UBE3B: variants seen among roughly 807,000 people sequenced by gnomAD.
UBE3B encodes the protein ubiquitin protein ligase E3B.
A neutral mutation model predicts 132.3 loss-of-function variants in UBE3B; 80 were observed. That is an observed-to-expected ratio of 0.60 (90% confidence interval 0.50 to 0.73). The LOEUF (loss-of-function observed/expected upper bound fraction) is 0.73. UBE3B is among the 30% of genes least tolerant of loss of function. The pLI is 0.00. For missense variants in UBE3B, 1,196 were observed against 1,362.5 expected (o/e 0.88, Z 1.92); for synonymous variants, 487 against 520.4 (o/e 0.94, Z 0.87).
At chr12:109,500,322 A>G (rs1878805086) in intron 12 of UBE3B, among the ~76,000 whole-genome samples, 1 of 152,258 alleles carries the variant, frequency 6.6e-6, no homozygotes, top group African/African-American at 2.4e-5. Flanking sequence ...GTGCAGCTTC[A>G]TGAATTTGAA....
intron 6 of UBE3B, among the ~76,000 whole-genome samples, chr12:109,486,947 G>A (rs749613721): frequency 1.1e-4 from 17 of 152,186 alleles, no homozygotes; most frequent in Non-Finnish European, 1.8e-4. Context: ...GGAAGAGAAC[G>A]TTGTGCTCTA....
At chr12:109,504,277 C>T (rs1344010024) in intron 14 of UBE3B, among the ~76,000 whole-genome samples, 3 of 152,248 alleles carry the variant, frequency 2.0e-5, no homozygotes, top group African/African-American at 2.4e-5. Flanking sequence ...ACCAGCGTGA[C>T]AGCCAAACAT....
At chr12:109,499,123 T>G (rs745755711) in intron 11 of UBE3B, among the ~76,000 whole-genome samples, 1 of 152,112 alleles carries the variant, frequency 6.6e-6, no homozygotes. Context: ...GGGGCCAAAT[T>G]TCATGAGGAG....
chr12:109,511,693 C>T (rs1226245343), intron 18 of UBE3B, among the ~76,000 whole-genome samples: 2 of 152,050 alleles, frequency 1.3e-5, no homozygotes, highest in Non-Finnish European at 1.5e-5. Context: ...AAGAGGAAGC[C>T]GAGGAGGGTA....
intron 11 of UBE3B, among the ~76,000 whole-genome samples, chr12:109,498,611 A>G (rs1376102383): frequency 6.6e-6 from 1 of 152,196 alleles, no homozygotes; most frequent in African/African-American, 2.4e-5. Flanking sequence ...GCAGTCAAGG[A>G]GAAAGTGAAA....
rs1485566844 is a variant in UBE3B, at chr12:109,533,570, G to A, written c.3015+12G>A. 1 of 1,609,440 alleles carries A rather than the reference G, an allele frequency of 6.2e-7. No individual in the cohort carries two copies. The highest frequency in any genetic ancestry group is 1.3e-5 in the African/African-American group (1 of 74,912). On this transcript the variant is annotated intron_variant, in intron 27 of 27. Transcript: ENST00000342494. ...TGTCGGACGATCAGGTACCCCCACGGGGTGGGTGGGGAAGAGCCTTGACTT... is the reference window on the plus strand; with the variant it reads ...TGTCGGACGATCAGGTACCCCCACGAGGTGGGTGGGGAAGAGCCTTGACTT...
At chr12:109,480,845 AGCCACTGGTAACATGTTG>A in intron 1 of UBE3B, among the ~76,000 whole-genome samples, 1 of 152,276 alleles carries the variant, frequency 6.6e-6, no homozygotes. Context: ...ACCTCAAAAC[AGCCACTGGTAACATGTTG>A]GTATAGTTCA....
At chr12:109,530,141 G>A (rs1882799772) in intron 25 of UBE3B, 69 bp downstream of exon 25, 1 of 1,576,768 alleles carries the variant, frequency 6.3e-7, no homozygotes, top group East Asian at 2.2e-5. Context: ...CCCTCGCTGG[G>A]TTCCTTTTAG....
chr12:109,526,256 C>A, intron 23 of UBE3B, 102 bp from the exon 24 acceptor site: 1 of 1,184,382 alleles, frequency 8.4e-7, no homozygotes. Context: ...CATCTTAATT[C>A]CATCATTATC....
rs1452405741 is a variant in UBE3B, at chr12:109,498,331, A to T, written c.918A>T (p.Gly306=). Residue 306 remains glycine (G), a synonymous_variant, in exon 11 of 28, where the codon GGA becomes GGT. Transcript: ENST00000342494. ...GTGATGTATGTGAAAGTTTAGAAGG[A>T]TGCCATACGCTTTGTCTAATGGGTA... The part of the protein sequence containing the change: ...RCRDVCESLE[G]CHTLCLMGNL... 2.9e-5 allele frequency: 46 copies of T among 1,614,026 alleles called. No individual in the cohort carries two copies. Among genetic ancestry groups the T allele is most frequent in the Admixed American group, 8.3e-5 (5 of 60,016 alleles).
chr12:109,490,923 C>T lies in UBE3B; in HGVS notation c.631-122C>T, dbSNP rs149927435. The stretch of plus-strand genomic sequence containing the variant: ...GAGCTGGGACTGTAGGTACAAGCCA[C>T]CATGCCTGGCTCACAATACAGTTTT... On this transcript the variant is annotated intron_variant, in intron 8 of 27. Coordinates refer to ENST00000342494, the MANE Select transcript of UBE3B (RefSeq NM_130466.4). The T allele has an allele frequency of 1.2e-3, 1,356 of 1,173,740 alleles. 10 individuals are homozygous for T. The African/African-American group carries it at 0.019, about 16-fold the overall frequency. 72.7% of individuals were successfully genotyped at this position (1,173,740 alleles called of 1,614,324 possible). A position where few individuals can be genotyped will look rare whatever the true frequency, so the allele number is the denominator to read the frequency against.
Position 109,534,593 on chromosome 12 carries a change from C to A in UBE3B, c.3018C>A (p.Asp1006Glu). The A allele has an allele frequency of 6.2e-7, 1 of 1,608,218 alleles. No individual in the cohort carries two copies. The highest frequency in any genetic ancestry group is 8.5e-7 in the Non-Finnish European group (1 of 1,177,196). ...IRCVEVSDDQDTGDTLGSVLR... is the reference protein window; with the variant it reads ...IRCVEVSDDQETGDTLGSVLR... Reference sequence around the variant, plus strand: ...AAGGCCACGATGTGTGCCTTCAGGACACCGGGGACACTCTGGGCAGCGTCC... The same window carrying A: ...AAGGCCACGATGTGTGCCTTCAGGAAACCGGGGACACTCTGGGCAGCGTCC... Residue 1006 changes from aspartate to glutamate, a missense_variant and splice_region_variant, in exon 28 of 28, where the codon GAC (aspartate) becomes GAA (glutamate). Asp to Glu is a conservative substitution (Grantham distance 45, BLOSUM62 2). Transcript: ENST00000342494. This position sits in a 1 kb window ranked among gnomAD's most constrained non-coding sequence, Gnocchi z 5.2.
rs201336062 is a variant in UBE3B, at chr12:109,486,580, CA to C, written c.447+28del. On this transcript the variant is annotated splice_donor_region_variant and intron_variant, in intron 6 of 27. Transcript: ENST00000342494. ...GATTTTCTCAAGCAGCTCAAGGTAA[CA>C]AAAAAAAAAAAAAAAAAAAAAAGCA... The C allele has an allele frequency of 0.11, 59,022 of 550,792 alleles. 789 individuals are homozygous for C. Among genetic ancestry groups the C allele is most frequent in the African/African-American group, 0.26 (9,019 of 34,704 alleles). The allele number at this position is 550,792 out of a possible 1,614,324, so 34.1% of individuals were successfully genotyped here. A position where few individuals can be genotyped will look rare whatever the true frequency, so the allele number is the denominator to read the frequency against.
intron 18 of UBE3B, among the ~76,000 whole-genome samples, chr12:109,515,889 A>G (rs1317906299): frequency 6.6e-6 from 1 of 152,234 alleles, no homozygotes; most frequent in Non-Finnish European, 1.5e-5. Context: ...CCTTTCAAGC[A>G]GTAATTGAGA....
chr12:109,518,763 T>C (rs1881359698), intron 19 of UBE3B, among the ~76,000 whole-genome samples: 1 of 152,248 alleles, frequency 6.6e-6, no homozygotes, highest in Non-Finnish European at 1.5e-5. Flanking sequence ...TTTTAAAGCA[T>C]ATCCCTCAGG....
chr12:109,499,805 T>C lies in UBE3B; in HGVS notation c.1113T>C (p.Asp371=). 6.2e-7 allele frequency: 1 copy of C among 1,602,482 alleles called. No homozygotes were observed. The highest frequency in any genetic ancestry group is 8.5e-7 in the Non-Finnish European group (1 of 1,173,652). Residue 371 remains aspartate (D), a synonymous_variant, in exon 12 of 28, where the codon GAT becomes GAC. Transcript: ENST00000342494. The part of the protein sequence containing the change: ...PVLGWFSQSV[D]YGLNESMHLI... ...TTGGCTGGTTCTCCCAATCTGTGGA[T>C]TATGGGTGAGTCCCAGATGCAAATC...
Position 109,479,367 on chromosome 12 carries a change from G to A in UBE3B, c.-128+1258G>A, listed in dbSNP as rs907701389. Among the ~76,000 whole-genome samples the A allele has an allele frequency of 1.1e-4, 16 of 152,308 alleles. No homozygotes were observed. In the Middle Eastern group the frequency reaches 0.02, roughly 194 times the overall value. On this transcript the variant is annotated intron_variant, in intron 1 of 27. Transcript: ENST00000342494. Reference sequence around the variant, plus strand: ...TTGTGATGACTAAATTGAGGTACAAGAAGGATAAATGTTGCATTTAATCCT... The same window carrying A: ...TTGTGATGACTAAATTGAGGTACAAAAAGGATAAATGTTGCATTTAATCCT...
chr12:109,493,657 A>T (rs1220175871), intron 9 of UBE3B, among the ~76,000 whole-genome samples: 1 of 152,194 alleles, frequency 6.6e-6, no homozygotes, highest in Admixed American at 6.5e-5. Flanking sequence ...GTAAGATATC[A>T]GTGGTTTCAT....
chr12:109,541,313 G>C (rs1460335169), downstream of UBE3B, among the ~76,000 whole-genome samples: 1 of 152,166 alleles, frequency 6.6e-6, no homozygotes, highest in South Asian at 2.1e-4. Context: ...AGTGGTCAAG[G>C]GCACAGGCCT....
Sources: gnomAD v4.1 joint callset for allele counts (sites outside exome capture counted in the v4.1 genomes callset) on GRCh38, gnomAD v4.1.1 for gene constraint, Gnocchi (gnomAD v3.1) non-coding constraint, MANE v1.5 for transcripts, NCBI Gene and HGNC (gene_info 2026-07-23, HGNC 2026-07-21) for gene names.